Variants in CPVL observed in about 807,000 individuals in gnomAD.
The protein encoded by CPVL is probable serine carboxypeptidase CPVL.
Under a neutral mutation model 63.7 loss-of-function variants are expected in CPVL, and 51 were observed. That is an observed-to-expected ratio of 0.80 (90% CI 0.64 to 1.01). The LOEUF (loss-of-function observed/expected upper bound fraction) is 1.01, where lower values mean the gene tolerates loss of function less well. Among genes scored for constraint, CPVL ranks in the 50% least tolerant of loss-of-function variants. CPVL has a pLI of 0.00. For missense variants in CPVL, 530 were observed against 573.1 expected (o/e 0.92, Z 0.77); for synonymous variants, 195 against 206.0 (o/e 0.95, Z 0.46).
At chr7:29,182,642 C>T (rs1403837935) in intron 4 of CPVL, among the ~76,000 whole-genome samples, 2 of 152,184 alleles carry the variant, frequency 1.3e-5, no homozygotes, top group Admixed American at 6.5e-5. Context: ...TACGTACACT[C>T]ATGTCTAAAA....
chr7:29,183,316 T>C lies in CPVL; in HGVS notation c.-134+1105A>G, dbSNP rs6947087. 7.7e-3 allele frequency among the ~76,000 whole-genome samples: 1,176 copies of C among 152,020 alleles called. 17 individuals carry two copies. The highest frequency in any genetic ancestry group is 0.027 in the African/African-American group (1,126 of 41,420). ...TCAGGCTGGTCTCGAACTCCCGATC[T>C]CAGGTGATCTGCCTGCCTTGGCCTC... On this transcript the variant is annotated intron_variant, in intron 4 of 16. Transcript: ENST00000409850.
chr7:29,176,146 A>G (rs1394792527), intron 5 of CPVL, among the ~76,000 whole-genome samples: 2 of 152,024 alleles, frequency 1.3e-5, no homozygotes, highest in Non-Finnish European at 2.9e-5. Flanking sequence ...AGATCGCGCC[A>G]CTGCACTCCA....
chr7:29,155,222 GTAT>G (rs941617058), intron 5 of CPVL, among the ~76,000 whole-genome samples: 2 of 151,898 alleles, frequency 1.3e-5, no homozygotes, highest in Admixed American at 6.6e-5. Flanking sequence ...AAATAAAGAA[GTAT>G]TATTATTATC....
intron 11 of CPVL, among the ~76,000 whole-genome samples, chr7:29,037,738 C>G (rs1211728197): frequency 6.6e-6 from 1 of 152,006 alleles, no homozygotes; most frequent in Non-Finnish European, 1.5e-5. Flanking sequence ...ATAACTGCAC[C>G]AGGCACGCCA....
At chr7:29,140,001 C>G (rs1791683528) in intron 1 of CPVL, among the ~76,000 whole-genome samples, 1 of 152,224 alleles carries the variant, frequency 6.6e-6, no homozygotes, top group South Asian at 2.1e-4. Context: ...GCACATGACT[C>G]AGAATGGCTT....
rs888016413 is a variant in CPVL, at chr7:29,102,010, C to T, written c.289-5793G>A. Among the ~76,000 whole-genome samples, 12 of 152,178 alleles carry T rather than the reference C, an allele frequency of 7.9e-5. No individual in the cohort carries two copies. The South Asian group carries it at 8.3e-4, about 10-fold the overall frequency. The stretch of plus-strand genomic sequence containing the variant: ...ATGTATTAATTCATTTAACATACAA[C>T]GCCAACTACTCACAGGGATTGTCTA... On this transcript the variant is annotated intron_variant, in intron 3 of 12. Transcript: ENST00000265394.
At chr7:29,050,416 A>T (rs1011771234) in intron 11 of CPVL, among the ~76,000 whole-genome samples, 5 of 152,146 alleles carry the variant, frequency 3.3e-5, no homozygotes, top group African/African-American at 9.7e-5. Flanking sequence ...CAAAAAAAAA[A>T]AATAAAATAC....
intron 12 of CPVL, among the ~76,000 whole-genome samples, chr7:29,029,373 T>G (rs1325458412): frequency 6.6e-6 from 1 of 152,208 alleles, no homozygotes; most frequent in Non-Finnish European, 1.5e-5. Context: ...ATAGTACTAT[T>G]CACAATAGCC....
rs1242052681 is a variant in CPVL at position 29,022,126 on chromosome 7, G to T, written c.1320+8451C>A. ...CCAGCAGCAGGGTGGCTGCACACCT[G>T]CACATATCTTAACAGGGCCTGGGAA... On this transcript the variant is annotated intron_variant, in intron 12 of 12. Coordinates refer to ENST00000265394, the MANE Select transcript of CPVL (RefSeq NM_031311.5). Among the ~76,000 whole-genome samples the T allele has an allele frequency of 2.0e-5, 3 of 152,136 alleles. No individual in the cohort carries two copies. The East Asian group carries it at 5.8e-4, about 29-fold the overall frequency.
intron 2 of CPVL, among the ~76,000 whole-genome samples, chr7:29,113,404 GA>G (rs1788449043): frequency 6.6e-6 from 1 of 152,156 alleles, no homozygotes; most frequent in Admixed American, 6.5e-5. Context: ...GGGAGACTGG[GA>G]GTGACCTCAT....
chr7:29,036,271 C>T (rs186803404), intron 11 of CPVL, among the ~76,000 whole-genome samples: 16 of 152,294 alleles, frequency 1.1e-4, no homozygotes, highest in Admixed American at 6.5e-4. Flanking sequence ...ACGAACTATA[C>T]AGAATTGTAA....
At chr7:29,156,127 GAAAACCAT>G (rs1443940221) in intron 5 of CPVL, among the ~76,000 whole-genome samples, 5 of 152,210 alleles carry the variant, frequency 3.3e-5, no homozygotes, top group African/African-American at 4.8e-5. Context: ...GAGAAAACTG[GAAAACCAT>G]ATATTTACTT....
At position 28,995,608 on chromosome 7, in the gene CPVL, TC is replaced by T; in HGVS notation, c.*163del. On this transcript the variant is annotated 3_prime_UTR_variant, in exon 13 of 13. Transcript: ENST00000265394. ...TCATGTTAATTTTGTAGTAAACATCTCCCCCCAAAAACAAAAGCTCACTTGT... is the reference window on the plus strand; with the variant it reads ...TCATGTTAATTTTGTAGTAAACATCTCCCCCAAAAACAAAAGCTCACTTGT... The T allele has an allele frequency of 1.7e-6, 1 of 600,114 alleles. No homozygotes were observed. Among genetic ancestry groups the T allele is most frequent in the Non-Finnish European group, 2.9e-6 (1 of 346,804 alleles). The allele number at this position is 600,114 out of a possible 1,614,324, so 37.2% of individuals were successfully genotyped here.
At chr7:29,185,715 T>C (rs1798624101) in intron 2 of CPVL, 1 of 152,202 alleles carries the variant, frequency 6.6e-6, no homozygotes, top group Admixed American at 6.5e-5. Context: ...GCCTTCTGAG[T>C]GATTCTCATA....
intron 5 of CPVL, among the ~76,000 whole-genome samples, chr7:29,152,154 C>G: frequency 6.6e-6 from 1 of 152,156 alleles, no homozygotes; most frequent in South Asian, 2.1e-4. Context: ...AGAACTAGGT[C>G]ACATCACCAA....
chr7:29,111,019 G>A (rs186525103), intron 3 of CPVL, among the ~76,000 whole-genome samples: 3 of 152,352 alleles, frequency 2.0e-5, no homozygotes, highest in Admixed American at 2.0e-4. Flanking sequence ...AGAGCCTCCA[G>A]AAGTACCACA....
intron 1 of CPVL, chr7:29,194,741 A>T: frequency 2.2e-6 from 1 of 448,802 alleles, no homozygotes; most frequent in Non-Finnish European, 3.8e-6. Flanking sequence ...GACGGAAACC[A>T]CAAATAAATA....
rs556865073 is a variant in CPVL, at chr7:29,055,547, G to A, written c.1137+8514C>T. Among the ~76,000 whole-genome samples the A allele has an allele frequency of 5.9e-5, 9 of 152,188 alleles. No homozygotes were observed. The South Asian group carries it at 1.0e-3, about 18-fold the overall frequency. ...ATTACAGGCATGAGCCACCGTGCCCGGCCCTACCACTAAGTTAAGTGTATT... is the reference window on the plus strand; with the variant it reads ...ATTACAGGCATGAGCCACCGTGCCCAGCCCTACCACTAAGTTAAGTGTATT... On this transcript the variant is annotated intron_variant, in intron 11 of 12. Coordinates refer to ENST00000265394, the MANE Select transcript of CPVL (RefSeq NM_031311.5).
rs779673484 is a variant in CPVL at position 29,064,080 on chromosome 7, T to G, written c.1118A>C (p.Glu373Ala). 5.0e-6 allele frequency: 8 copies of G among 1,612,168 alleles called. No homozygotes were observed. The highest frequency in any genetic ancestry group is 1.1e-5 in the South Asian group (1 of 90,978). The change falls in exon 11 of 13, where the codon GAA becomes GCA. Residue 373 changes from glutamate (E) to alanine (A), a missense_variant. Transcript: ENST00000265394. ...TVQSVKPWLT[E>A]IMNNYKVLIY... ...TCTTACCTTATAATTATTCATGATT[T>G]CAGTTAACCATGGCTTAACTGACTG...
Sources: allele counts gnomAD v4.1 joint callset (sites outside exome capture counted in the v4.1 genomes callset), GRCh38; gene constraint gnomAD v4.1.1; transcripts MANE v1.5; gene names NCBI Gene and HGNC (gene_info 2026-07-23, HGNC 2026-07-21).